Variants in LOXL2 observed in about 807,000 individuals in gnomAD.
LOXL2 encodes lysyl oxidase homolog 2.
LOXL2 carries 70 observed loss-of-function variants against 93.0 expected under a neutral mutation model. The observed-to-expected ratio is 0.75, with a 90% CI of 0.62 to 0.92. LOXL2 has a LOEUF of 0.92. Ranked by LOEUF, LOXL2 falls within the 40% of genes least tolerant of loss-of-function variation. LOXL2 has a pLI of 0.00. For missense variants in LOXL2, 973 were observed against 1,054.9 expected, an observed-to-expected ratio of 0.92 and a Z score of 1.08; for synonymous variants, 438 against 413.2, an observed-to-expected ratio of 1.06 and a Z score of -0.73.
intron 1 of LOXL2, among the ~76,000 whole-genome samples, chr8:23,401,724 T>C (rs1445446184): frequency 6.6e-6 from 1 of 152,226 alleles, no homozygotes; most frequent in Non-Finnish European, 1.5e-5. Context: ...AAAATCTGTT[T>C]CCTTCACAAA....
chr8:23,377,057 G>A (rs1804606379), intron 1 of LOXL2, among the ~76,000 whole-genome samples: 2 of 152,050 alleles, frequency 1.3e-5, no homozygotes, highest in African/African-American at 4.8e-5. Flanking sequence ...GATCTTTCCT[G>A]CTTTCTCTTG....
chr8:23,317,569 A>G (rs536858544), intron 8 of LOXL2, among the ~76,000 whole-genome samples: 22 of 152,298 alleles, frequency 1.4e-4, no homozygotes, highest in African/African-American at 5.3e-4. Flanking sequence ...AGAGAAGAAG[A>G]AATCTATTTG....
intron 1 of LOXL2, among the ~76,000 whole-genome samples, chr8:23,380,800 G>C (rs369207429): frequency 7.7e-4 from 117 of 152,148 alleles, no homozygotes; most frequent in African/African-American, 2.8e-3. Flanking sequence ...ATCGCTTGAG[G>C]TCAGGAGTTA....
Position 23,342,449 on chromosome 8 carries a change from T to G in LOXL2, c.532-1246A>C, listed in dbSNP as rs1357602445. Among the ~76,000 whole-genome samples, 6 of 150,590 alleles carry G rather than the reference T, an allele frequency of 4.0e-5. No individual in the cohort carries two copies. The South Asian group carries it at 1.0e-3, about 26-fold the overall frequency. On this transcript the variant is annotated intron_variant, in intron 3 of 13. Coordinates refer to ENST00000389131, the MANE Select transcript of LOXL2 (RefSeq NM_002318.3). ...TTTCTTTTTCTTTTTTTTTTTTTTT[T>G]GAGACGGAGTCTCGCTCTGTCGCCC...
intron 1 of LOXL2, among the ~76,000 whole-genome samples, chr8:23,381,912 G>C (rs1804686138): frequency 6.6e-6 from 1 of 152,222 alleles, no homozygotes; most frequent in African/African-American, 2.4e-5. Context: ...ACAGTGCCTG[G>C]TGCACGTTAG....
rs531649926 is a variant in LOXL2, at chr8:23,297,689, G to A, written c.*354C>T. 2 of 213,192 alleles carry A rather than the reference G, an allele frequency of 9.4e-6. No homozygotes were observed. Among genetic ancestry groups the A allele is most frequent in the South Asian group, 1.0e-4 (1 of 9,578 alleles). The allele number at this position is 213,192 out of a possible 1,614,324, so 13.2% of individuals were successfully genotyped here. A position where few individuals can be genotyped will look rare whatever the true frequency, so the allele number is the denominator to read the frequency against. On this transcript the variant is annotated 3_prime_UTR_variant, in exon 14 of 14. Coordinates refer to ENST00000389131, the MANE Select transcript of LOXL2 (RefSeq NM_002318.3). ...TGTCCACGTGTCACTGGAGAAGAGC[G>A]CGGCTCCACTGTGTCTGTGGTGAGC...
At chr8:23,320,095 G>A in intron 7 of LOXL2, 43 bp from the exon 8 acceptor site, 2 of 1,604,852 alleles carry the variant, frequency 1.2e-6, no homozygotes, top group Non-Finnish European at 8.5e-7. Flanking sequence ...GAGGGACAAG[G>A]GAGCTTCCCC....
intron 8 of LOXL2, among the ~76,000 whole-genome samples, chr8:23,319,085 C>T (rs917151265): frequency 6.6e-6 from 1 of 152,210 alleles, no homozygotes; most frequent in Non-Finnish European, 1.5e-5. Context: ...AGCATCTTCC[C>T]GTTATGTAAG....
At chr8:23,342,678 G>A (rs970713982) in intron 3 of LOXL2, among the ~76,000 whole-genome samples, 8 of 152,180 alleles carry the variant, frequency 5.3e-5, no homozygotes, top group South Asian at 2.1e-4. Flanking sequence ...TGATCAGCCC[G>A]CCTTGGCCTC....
intron 3 of LOXL2, among the ~76,000 whole-genome samples, chr8:23,358,160 G>T (rs1197354860): frequency 2.6e-5 from 4 of 152,200 alleles, no homozygotes; most frequent in African/African-American, 7.2e-5. Context: ...TCATGGTAAA[G>T]AAAGCAAAGC....
chr8:23,402,263 A>C (rs1350414020), intron 1 of LOXL2, among the ~76,000 whole-genome samples: 4 of 152,054 alleles, frequency 2.6e-5, no homozygotes, highest in African/African-American at 9.7e-5. Flanking sequence ...TCGTGTGGAG[A>C]CACACACATG....
intron 1 of LOXL2, among the ~76,000 whole-genome samples, chr8:23,385,235 A>AT (rs1327196971): frequency 1.2e-4 from 16 of 137,490 alleles, no homozygotes; most frequent in Non-Finnish European, 2.0e-4. Flanking sequence ...AGAAAGTTGG[A>AT]TTTTTTTTCT....
intron 10 of LOXL2, among the ~76,000 whole-genome samples, chr8:23,309,328 G>A (rs1243854322): frequency 2.0e-5 from 3 of 152,190 alleles, no homozygotes; most frequent in African/African-American, 2.4e-5. Flanking sequence ...TGCACAGCCT[G>A]GAGTACCTGG....
intron 1 of LOXL2, among the ~76,000 whole-genome samples, chr8:23,374,747 T>C (rs1238247244): frequency 6.6e-6 from 1 of 152,266 alleles, no homozygotes; most frequent in Non-Finnish European, 1.5e-5. Flanking sequence ...ATAAATGTCT[T>C]CTTTTGAGAA....
At chr8:23,385,530 G>A (rs192214993) in intron 1 of LOXL2, among the ~76,000 whole-genome samples, 184 of 152,084 alleles carry the variant, frequency 1.2e-3, no homozygotes, top group Non-Finnish European at 2.2e-3. Context: ...AAAGTGCTGG[G>A]ATTACAGGCA....
chr8:23,341,845 T>C (rs1411647472), intron 3 of LOXL2, among the ~76,000 whole-genome samples: 17 of 152,146 alleles, frequency 1.1e-4, no homozygotes. Flanking sequence ...GCGTGCTGTG[T>C]GCAGAGACTC....
At chr8:23,352,370 G>T (rs1052021902) in intron 3 of LOXL2, among the ~76,000 whole-genome samples, 1 of 152,126 alleles carries the variant, frequency 6.6e-6, no homozygotes, top group Non-Finnish European at 1.5e-5. Context: ...ATTTAGGCAT[G>T]GGGGGACCAC....
At chr8:23,396,650 T>G (rs956378203) in intron 1 of LOXL2, among the ~76,000 whole-genome samples, 1 of 151,154 alleles carries the variant, frequency 6.6e-6, no homozygotes, top group African/African-American at 2.5e-5. Flanking sequence ...GATTATAAAC[T>G]GACTCTTTCA....
chr8:23,304,329 A>G (rs558795939), intron 10 of LOXL2, among the ~76,000 whole-genome samples: 1 of 152,362 alleles, frequency 6.6e-6, no homozygotes, highest in African/African-American at 2.4e-5. Context: ...AGAATAAACA[A>G]GGGAAACGGG....
Sources: gnomAD v4.1 joint callset for allele counts (sites outside exome capture counted in the v4.1 genomes callset) on GRCh38, gnomAD v4.1.1 for gene constraint, MANE v1.5 for transcripts, NCBI Gene and HGNC (gene_info 2026-07-23, HGNC 2026-07-21) for gene names.